TRIP12: variants seen among roughly 807,000 people sequenced by gnomAD.
TRIP12 encodes the protein thyroid hormone receptor interactor 12.
In TRIP12, 25 loss-of-function variants were observed where a neutral mutation model predicts 244.2. That is an observed-to-expected ratio of 0.10 (90% CI 0.07 to 0.14). The LOEUF (loss-of-function observed/expected upper bound fraction) is 0.14, where lower values mean the gene tolerates loss of function less well. TRIP12 is among the 10% of genes least tolerant of loss of function. TRIP12 has a pLI of 1.00. For missense variants in TRIP12, 1,677 were observed against 2,486.4 expected (o/e 0.67, Z 6.92); for synonymous variants, 905 against 873.1 (o/e 1.04, Z -0.64).
intron 13 of TRIP12, among the ~76,000 whole-genome samples, chr2:229,813,034 G>T (rs193007589): frequency 6.6e-6 from 1 of 151,864 alleles, no homozygotes; most frequent in Non-Finnish European, 1.5e-5. Context: ...CACCATCCCC[G>T]GCCCATAAAC....
At chr2:229,819,009 G>C (rs2049203857) in intron 8 of TRIP12, among the ~76,000 whole-genome samples, 1 of 149,734 alleles carries the variant, frequency 6.7e-6, no homozygotes. Flanking sequence ...ACAAAAAAGA[G>C]AATGGAAAGA....
chr2:229,785,655 T>C (rs2039792432), intron 34 of TRIP12, 102 bp downstream of exon 34: 1 of 1,074,912 alleles, frequency 9.3e-7, no homozygotes, highest in Non-Finnish European at 1.3e-6. Flanking sequence ...GAGCAAAGTC[T>C]CCCAACTGTC....
intron 3 of TRIP12, among the ~76,000 whole-genome samples, 154 bp downstream of exon 3, chr2:229,860,252 C>T (rs73101674): frequency 0.13 from 20,448 of 152,126 alleles, 1,442 homozygotes; most frequent in Admixed American, 0.19. Flanking sequence ...CTAATCACTG[C>T]AAAGGTGATA....
At chr2:229,769,104 T>C (rs1295925721) in intron 40 of TRIP12, 127 bp downstream of exon 40, 7 of 723,400 alleles carry the variant, frequency 9.7e-6, no homozygotes, top group Non-Finnish European at 1.6e-5. Context: ...CATTAACAGG[T>C]AGACACATTT....
chr2:229,816,419 A>G (rs1394421757), intron 9 of TRIP12, among the ~76,000 whole-genome samples: 3 of 152,156 alleles, frequency 2.0e-5, no homozygotes, highest in African/African-American at 7.2e-5. Flanking sequence ...AAGAAAAAGT[A>G]CTAAGTTCCC....
At chr2:229,794,347 A>C (rs2042264735) in intron 26 of TRIP12, among the ~76,000 whole-genome samples, 1 of 152,126 alleles carries the variant, frequency 6.6e-6, no homozygotes, top group Non-Finnish European at 1.5e-5. Context: ...CAGGAGGATC[A>C]CTTGGGCCCA....
chr2:229,885,540 A>C (rs912297625), intron 1 of TRIP12, among the ~76,000 whole-genome samples: 11 of 152,232 alleles, frequency 7.2e-5, no homozygotes, highest in Admixed American at 7.2e-4. Flanking sequence ...CACCAGATAA[A>C]GAAGGAAATG....
At chr2:229,894,756 G>A (rs2068317578) in intron 1 of TRIP12, among the ~76,000 whole-genome samples, 2 of 152,170 alleles carry the variant, frequency 1.3e-5, no homozygotes, top group South Asian at 2.1e-4. Context: ...TTAACGCAGC[G>A]ATGCTCAGTA....
At chr2:229,840,494 G>C (rs2056127331) in intron 5 of TRIP12, among the ~76,000 whole-genome samples, 1 of 152,096 alleles carries the variant, frequency 6.6e-6, no homozygotes, top group Non-Finnish European at 1.5e-5. Flanking sequence ...TTGAGGTTGG[G>C]AGTTGGAGAC....
At chr2:229,875,091 G>A in intron 2 of TRIP12, among the ~76,000 whole-genome samples, 1 of 152,026 alleles carries the variant, frequency 6.6e-6, no homozygotes, top group East Asian at 1.9e-4. Flanking sequence ...AAAGAGAACA[G>A]AAAAGAGAGG....
chr2:229,844,268 T>C (rs1261457870), intron 4 of TRIP12, among the ~76,000 whole-genome samples: 2 of 152,244 alleles, frequency 1.3e-5, no homozygotes, highest in Non-Finnish European at 2.9e-5. Context: ...TAGACTATTA[T>C]TTAATGATTC....
chr2:229,815,008 C>T, intron 11 of TRIP12, 91 bp downstream of exon 11: 1 of 981,260 alleles, frequency 1.0e-6, no homozygotes, highest in South Asian at 1.6e-5. Flanking sequence ...AAAAAATATA[C>T]TTTATTTAGA....
intron 38 of TRIP12, among the ~76,000 whole-genome samples, chr2:229,773,082 T>TC (rs1467736129): frequency 1.2e-5 from 1 of 85,790 alleles, no homozygotes; most frequent in Admixed American, 1.2e-4. Flanking sequence ...TATACATGCT[T>TC]TTTTTTTTTT....
intron 17 of TRIP12, 22 bp from the exon 18 acceptor site, chr2:229,805,905 C>T (rs914945281): frequency 6.1e-5 from 92 of 1,503,574 alleles, no homozygotes; most frequent in Non-Finnish European, 8.2e-5. Flanking sequence ...GAGAGAGAAA[C>T]TTTGAATATA....
chr2:229,833,382 G>T (rs1339111936), intron 6 of TRIP12, among the ~76,000 whole-genome samples: 2 of 152,244 alleles, frequency 1.3e-5, no homozygotes, highest in East Asian at 3.9e-4. Flanking sequence ...CCGCCTCCAG[G>T]GCTCAAGCGA....
intron 4 of TRIP12, among the ~76,000 whole-genome samples, chr2:229,841,532 G>A (rs572083753): frequency 2.0e-5 from 3 of 152,254 alleles, no homozygotes; most frequent in East Asian, 1.9e-4. Flanking sequence ...CAATAGGCTC[G>A]AAAATGGTGT....
rs199950303 is a variant in TRIP12, at chr2:229,861,881, T to TA, written c.99-1351dup. The stretch of plus-strand genomic sequence containing the variant: ...GACTTATTAGAATAGATGAATTTCT[T>TA]AAAAAAAAATAACAAAAAAACAAAA... On this transcript the variant is annotated intron_variant, in intron 2 of 41. Transcript: ENST00000675903. Among the ~76,000 whole-genome samples the TA allele has an allele frequency of 1.8e-4, 27 of 151,450 alleles. 1 individual carries two copies. Among genetic ancestry groups the TA allele is most frequent in the African/African-American group, 4.1e-4 (17 of 41,314 alleles).
chr2:229,888,608 A>AGCC, intron 1 of TRIP12, among the ~76,000 whole-genome samples: 1 of 152,242 alleles, frequency 6.6e-6, no homozygotes, highest in East Asian at 1.9e-4. Context: ...TGGCGAGAGC[A>AGCC]GCCTGGGCAA....
intron 2 of TRIP12, among the ~76,000 whole-genome samples, chr2:229,863,037 G>A (rs190691432): frequency 1.3e-5 from 2 of 152,182 alleles, no homozygotes; most frequent in Admixed American, 1.3e-4. Context: ...AGACCAGCCT[G>A]GCCAAGATGG....
Sources: gnomAD v4.1 joint callset for allele counts (sites outside exome capture counted in the v4.1 genomes callset) on GRCh38, gnomAD v4.1.1 for gene constraint, MANE v1.5 for transcripts, NCBI Gene and HGNC (gene_info 2026-07-23, HGNC 2026-07-21) for gene names.